Variants in CNTLN observed in about 807,000 individuals in gnomAD.
CNTLN encodes the protein centlein.
CNTLN carries 212 observed loss-of-function variants against 180.0 expected under a neutral mutation model. The observed-to-expected ratio is 1.18, with a 90% CI of 1.05 to 1.32. CNTLN has a LOEUF of 1.32. Among genes scored for constraint, CNTLN ranks in the 40% most tolerant of loss-of-function variants. The pLI, the probability that CNTLN is intolerant of heterozygous loss-of-function variation, is 0.00. For missense variants in CNTLN, 2,095 were observed against 1,610.9 expected (o/e 1.30, Z -5.14); for synonymous variants, 722 against 563.1 (o/e 1.28, Z -3.99).
chr9:17,173,438 T>G (rs1163516519), intron 2 of CNTLN, among the ~76,000 whole-genome samples: 1 of 152,208 alleles, frequency 6.6e-6, no homozygotes, highest in Non-Finnish European at 1.5e-5. Context: ...AAGGAAACAA[T>G]TTATGTAAAA....
chr9:17,454,210 A>G (rs569236470), intron 18 of CNTLN, among the ~76,000 whole-genome samples: 7 of 152,294 alleles, frequency 4.6e-5, no homozygotes, highest in Non-Finnish European at 1.0e-4. Flanking sequence ...TGCTTCCTCA[A>G]TGTTAAATTT....
intron 18 of CNTLN, among the ~76,000 whole-genome samples, chr9:17,451,406 ATTAAATAGTCTT>A (rs1830769132): frequency 6.6e-6 from 1 of 152,240 alleles, no homozygotes; most frequent in Non-Finnish European, 1.5e-5. Flanking sequence ...TGTATTCAAC[ATTAAATAGTCTT>A]AAGTCAGTCC....
intron 2 of CNTLN, among the ~76,000 whole-genome samples, chr9:17,184,248 A>G (rs933224428): frequency 2.0e-5 from 3 of 152,170 alleles, no homozygotes; most frequent in Non-Finnish European, 4.4e-5. Flanking sequence ...TCAAGCATAT[A>G]TATGTATAAA....
chr9:17,222,135 A>G (rs545445214), intron 2 of CNTLN, among the ~76,000 whole-genome samples: 221 of 152,102 alleles, frequency 1.5e-3, no homozygotes, highest in African/African-American at 5.0e-3. Context: ...AAAAACAAAA[A>G]CAAACTCTTG....
intron 1 of CNTLN, among the ~76,000 whole-genome samples, chr9:17,140,154 T>C (rs1817985931): frequency 6.6e-6 from 1 of 152,202 alleles, no homozygotes; most frequent in African/African-American, 2.4e-5. Context: ...ACTTTATTTT[T>C]TGTATATGAA....
At position 17,354,706 on chromosome 9, in the gene CNTLN, A is replaced by T. The variant is rs549063929; in HGVS notation, c.1887-11911A>T. ...TCAAAAGAGGCCACTTGGCTCTACC[A>T]ATCAGCAGGATGTGGGTGGGGCCAG... On this transcript the variant is annotated intron_variant, in intron 12 of 25. Coordinates refer to ENST00000380647, the MANE Select transcript of CNTLN (RefSeq NM_017738.4). Among the ~76,000 whole-genome samples, 10 of 152,176 alleles carry T rather than the reference A, an allele frequency of 6.6e-5. 1 individual carries two copies. Among genetic ancestry groups the T allele is most frequent in the African/African-American group, 2.4e-4 (10 of 41,526 alleles).
intron 2 of CNTLN, among the ~76,000 whole-genome samples, chr9:17,183,401 T>C (rs1294057361): frequency 6.6e-6 from 1 of 152,004 alleles, no homozygotes; most frequent in Non-Finnish European, 1.5e-5. Flanking sequence ...CAAAAACTCA[T>C]TGAGTAGGGT....
At chr9:17,290,836 C>T (rs1329310284) in intron 6 of CNTLN, among the ~76,000 whole-genome samples, 2 of 152,228 alleles carry the variant, frequency 1.3e-5, no homozygotes, top group African/African-American at 4.8e-5. Context: ...TCGCGCTTCC[C>T]AGGTGAGGCA....
the CNTLN span, among the ~76,000 whole-genome samples, chr9:17,510,729 G>A: frequency 6.6e-6 from 1 of 152,124 alleles, no homozygotes. Context: ...AATTCCATGA[G>A]GAAACTCCTC....
intron 6 of CNTLN, among the ~76,000 whole-genome samples, chr9:17,282,959 G>T (rs1828756307): frequency 6.6e-6 from 1 of 152,058 alleles, no homozygotes. Flanking sequence ...GTCTGTTTTT[G>T]TACCAGTACC....
chr9:17,446,565 C>G (rs186552511), intron 18 of CNTLN, among the ~76,000 whole-genome samples: 65 of 152,190 alleles, frequency 4.3e-4, no homozygotes, highest in Admixed American at 1.8e-3. Context: ...TATATTCATA[C>G]TTTTCAGAGG....
chr9:17,218,836 A>G (rs1823939395), intron 2 of CNTLN, among the ~76,000 whole-genome samples: 1 of 152,058 alleles, frequency 6.6e-6, no homozygotes, highest in Non-Finnish European at 1.5e-5. Context: ...CTAATATTTC[A>G]TTTTGACATC....
At chr9:17,271,731 A>C (rs1392738137) in intron 5 of CNTLN, among the ~76,000 whole-genome samples, 1 of 152,084 alleles carries the variant, frequency 6.6e-6, no homozygotes, top group Non-Finnish European at 1.5e-5. Context: ...GACACTTATC[A>C]ACAGGTCCTG....
At chr9:17,143,113 C>A (rs920954183) in intron 1 of CNTLN, among the ~76,000 whole-genome samples, 175 bp from the exon 2 acceptor site, 1 of 152,158 alleles carries the variant, frequency 6.6e-6, no homozygotes, top group Non-Finnish European at 1.5e-5. Flanking sequence ...TATGGATTAT[C>A]TGTGTAATAA....
intron 5 of CNTLN, among the ~76,000 whole-genome samples, chr9:17,239,497 T>C (rs541641943): frequency 2.0e-5 from 3 of 152,246 alleles, no homozygotes; most frequent in Non-Finnish European, 4.4e-5. Context: ...ATCTACTTTT[T>C]TTGGTGTTAC....
chr9:17,217,185 A>G (rs374301048), intron 2 of CNTLN, among the ~76,000 whole-genome samples: 7 of 152,264 alleles, frequency 4.6e-5, no homozygotes, highest in Admixed American at 4.6e-4. Context: ...ATAGTAAGGA[A>G]TAGTTACTTT....
chr9:17,461,404 T>C (rs891996293), intron 19 of CNTLN, among the ~76,000 whole-genome samples: 1 of 151,712 alleles, frequency 6.6e-6, no homozygotes, highest in African/African-American at 2.4e-5. Flanking sequence ...CAAAATATGG[T>C]AGAAATTTTG....
intron 4 of CNTLN, 46 bp from the exon 5 acceptor site, chr9:17,236,363 G>A (rs770375305): frequency 1.3e-5 from 19 of 1,481,704 alleles, no homozygotes; most frequent in Non-Finnish European, 1.6e-5. Flanking sequence ...TGGGTTTTTT[G>A]TTTCGTTTTG....
intron 2 of CNTLN, among the ~76,000 whole-genome samples, chr9:17,201,306 G>A (rs1822509092): frequency 6.6e-6 from 1 of 152,006 alleles, no homozygotes; most frequent in African/African-American, 2.4e-5. Flanking sequence ...TTTTTTTGTT[G>A]TGTCTCTGCC....
Sources: gnomAD v4.1 joint callset for allele counts (sites outside exome capture counted in the v4.1 genomes callset) on GRCh38, gnomAD v4.1.1 for gene constraint, MANE v1.5 for transcripts, NCBI Gene and HGNC (gene_info 2026-07-23, HGNC 2026-07-21) for gene names.